The following KRAS variants were observed in gnomAD, a reference collection of about 807,000 sequenced individuals.
KRAS encodes the protein GTPase KRas.
In KRAS, 1 loss-of-function variant was observed where a neutral mutation model predicts 21.0. That is an observed-to-expected ratio of 0.05 (90% CI 0.02 to 0.23). KRAS has a LOEUF of 0.23. Among genes scored for constraint, KRAS ranks in the 10% least tolerant of loss-of-function variants. The pLI is 1.00. For synonymous variants in KRAS, 67 were observed against 72.5 expected (o/e 0.92, Z 0.39); for missense variants, 107 against 221.8 (o/e 0.48, Z 3.29).
At chr12:25,249,747 G>A (rs1020775672) in intron 1 of KRAS, among the ~76,000 whole-genome samples, 1 of 152,116 alleles carries the variant, frequency 6.6e-6, no homozygotes, top group Non-Finnish European at 1.5e-5. Flanking sequence ...TCTGCAAAAT[G>A]AGGGTAGTAT....
chr12:25,244,032 C>A (rs945309988), intron 2 of KRAS, among the ~76,000 whole-genome samples: 1 of 152,104 alleles, frequency 6.6e-6, no homozygotes, highest in Non-Finnish European at 1.5e-5. Flanking sequence ...AAATATGTGA[C>A]GTTTCCTTAT....
intron 1 of KRAS, among the ~76,000 whole-genome samples, chr12:25,247,026 T>C (rs981103081): frequency 3.9e-5 from 6 of 152,198 alleles, no homozygotes; most frequent in East Asian, 3.8e-4. Context: ...TATTGACAGA[T>C]TGTATAACAA....
intron 4 of KRAS, among the ~76,000 whole-genome samples, chr12:25,224,905 T>C (rs1951370958): frequency 6.6e-6 from 1 of 152,152 alleles, no homozygotes. Flanking sequence ...TAACAATTAA[T>C]TCCTTCCTAT....
At chr12:25,246,777 C>A (rs371131068) in intron 1 of KRAS, among the ~76,000 whole-genome samples, 7 of 151,730 alleles carry the variant, frequency 4.6e-5, no homozygotes, top group East Asian at 3.9e-4. Context: ...ATTAGCCGGG[C>A]GTGGTGGCGG....
intron 2 of KRAS, among the ~76,000 whole-genome samples, chr12:25,236,164 A>T (rs753427285): frequency 2.0e-5 from 3 of 152,114 alleles, no homozygotes; most frequent in African/African-American, 7.2e-5. Context: ...ACAATCAAGC[A>T]GGGGCCAGCT....
At chr12:25,242,177 G>A (rs900545905) in intron 2 of KRAS, among the ~76,000 whole-genome samples, 1 of 152,198 alleles carries the variant, frequency 6.6e-6, no homozygotes, top group African/African-American at 2.4e-5. Context: ...CATAATACTT[G>A]AACTGAATTA....
intron 2 of KRAS, among the ~76,000 whole-genome samples, chr12:25,244,941 C>G (rs1330910400): frequency 6.6e-6 from 1 of 152,026 alleles, no homozygotes; most frequent in Non-Finnish European, 1.5e-5. Flanking sequence ...TGTCACAATA[C>G]CAAGAAACCC....
At chr12:25,212,141 TG>T (rs1183081723) in intron 4 of KRAS, among the ~76,000 whole-genome samples, 21 of 152,198 alleles carry the variant, frequency 1.4e-4, no homozygotes, top group Admixed American at 3.9e-4. Flanking sequence ...ACCCTTAGAA[TG>T]TGATAGAATC....
At chr12:25,215,629 G>T (rs1377269480) in intron 4 of KRAS, 4 of 1,309,576 alleles carry the variant, frequency 3.1e-6, no homozygotes, top group East Asian at 4.7e-5. Context: ...GGAAAGCCAT[G>T]TGCAAGAAGT....
chr12:25,233,762 A>T (rs1951508026), intron 2 of KRAS: 1 of 209,560 alleles, frequency 4.8e-6, no homozygotes, highest in African/African-American at 2.3e-5. Flanking sequence ...CCTCTACCTA[A>T]CAGTCTTGAA....
In KRAS at chr12:25,219,865, T is replaced by C. The variant is rs1006506479; in HGVS notation, c.450+5749A>G. ...ACTCAACTACTATTAAACAGAGACA[T>C]AGCACATAAGGAGGTTGTTTTGCAA... is the stretch of plus-strand genomic sequence containing the variant. On this transcript the variant is annotated intron_variant, in intron 4 of 4. Transcript: ENST00000311936. 3.9e-5 allele frequency among the ~76,000 whole-genome samples: 6 copies of C among 152,314 alleles called. 1 individual carries two copies. The highest frequency in any genetic ancestry group is 4.8e-5 in the African/African-American group (2 of 41,586).
At chr12:25,236,104 G>C (rs531705479) in intron 2 of KRAS, among the ~76,000 whole-genome samples, 15 of 152,092 alleles carry the variant, frequency 9.9e-5, no homozygotes, top group Admixed American at 8.5e-4. Flanking sequence ...AGGCTTAGAG[G>C]ATCTCTAAGG....
chr12:25,215,548 C>T (rs1951245764), intron 4 of KRAS: 2 of 1,610,838 alleles, frequency 1.2e-6, no homozygotes, highest in African/African-American at 1.3e-5. Flanking sequence ...GTATAAAAAG[C>T]ATCCTCCACT....
intron 2 of KRAS, among the ~76,000 whole-genome samples, chr12:25,238,604 TA>T: frequency 6.6e-6 from 1 of 152,292 alleles, no homozygotes; most frequent in East Asian, 1.9e-4. Context: ...AAGCTTATTT[TA>T]AAAAACTAAA....
At chr12:25,244,492 G>A (rs1214497138) in intron 2 of KRAS, among the ~76,000 whole-genome samples, 1 of 152,090 alleles carries the variant, frequency 6.6e-6, no homozygotes, top group Non-Finnish European at 1.5e-5. Context: ...CCCTCCTGGA[G>A]GTCTTTGAGA....
At chr12:25,225,541 A>T in intron 4 of KRAS, 73 bp downstream of exon 4, 1 of 1,431,160 alleles carries the variant, frequency 7.0e-7, no homozygotes, top group Non-Finnish European at 9.8e-7. Flanking sequence ...TGAGAGAAAA[A>T]CTGATATATT....
chr12:25,212,838 G>A (rs1338320477), intron 4 of KRAS, among the ~76,000 whole-genome samples: 1 of 152,058 alleles, frequency 6.6e-6, no homozygotes, highest in Non-Finnish European at 1.5e-5. Flanking sequence ...TCCTCGCGCT[G>A]TGGACTCCTA....
At position 25,206,243 on chromosome 12, in the gene KRAS, A is replaced by C. The variant is rs1183090141; in HGVS notation, c.*3552T>G. Reference sequence around the variant, plus strand: ...GACAACAGTTTTGATAACCTATAAAAGTTAGGTTCTAAATTCCTATGCAGT... The same window carrying C: ...GACAACAGTTTTGATAACCTATAAACGTTAGGTTCTAAATTCCTATGCAGT... On this transcript the variant is annotated 3_prime_UTR_variant, in exon 5 of 5. Coordinates refer to ENST00000311936, the MANE Select transcript of KRAS (RefSeq NM_004985.5). The C allele has an allele frequency of 4.7e-6, 1 of 212,790 alleles. No homozygotes were observed. Among genetic ancestry groups the C allele is most frequent in the Non-Finnish European group, 9.5e-6 (1 of 105,152 alleles). 13.2% of individuals were successfully genotyped at this position (212,790 alleles called of 1,614,324 possible).
At chr12:25,227,100 G>T in intron 3 of KRAS, 134 bp downstream of exon 3, 1 of 586,916 alleles carries the variant, frequency 1.7e-6, no homozygotes. Context: ...TATAAAACAG[G>T]GATATTACCT....
Sources: gnomAD v4.1 joint callset for allele counts (sites outside exome capture counted in the v4.1 genomes callset) on GRCh38, gnomAD v4.1.1 for gene constraint, MANE v1.5 for transcripts, NCBI Gene and HGNC (gene_info 2026-07-23, HGNC 2026-07-21) for gene names.